Variants in DNAJC5B observed in about 807,000 individuals in gnomAD.
The protein encoded by DNAJC5B is dnaJ homolog subfamily C member 5B.
Under a neutral mutation model 24.7 loss-of-function variants are expected in DNAJC5B, and 23 were observed. The observed-to-expected ratio is 0.93, with a 90% CI of 0.67 to 1.32. DNAJC5B has a LOEUF of 1.32. Ranked by LOEUF, DNAJC5B falls within the 40% of genes most tolerant of loss-of-function variation. DNAJC5B has a pLI of 0.00. For synonymous variants in DNAJC5B, 101 were observed against 90.1 expected, an observed-to-expected ratio of 1.12 and a Z score of -0.68; for missense variants, 238 against 240.8, an observed-to-expected ratio of 0.99 and a Z score of 0.08.
At chr8:66,019,211 T>A (rs1209554153), upstream of DNAJC5B, among the ~76,000 whole-genome samples, 1 of 152,242 alleles carries the variant, frequency 6.6e-6, no homozygotes, top group African/African-American at 2.4e-5. Context: ...AGAGGTTTGA[T>A]CCCTGCATAT....
chr8:66,085,795 T>C (rs1487027468), intron 5 of DNAJC5B, among the ~76,000 whole-genome samples: 1 of 152,124 alleles, frequency 6.6e-6, no homozygotes, highest in East Asian at 1.9e-4. Flanking sequence ...TGCTTTTCCA[T>C]ATAAATTTTA....
chr8:66,030,739 C>T (rs1586063241), intron 1 of DNAJC5B, among the ~76,000 whole-genome samples: 1 of 152,116 alleles, frequency 6.6e-6, no homozygotes, highest in South Asian at 2.1e-4. Flanking sequence ...CAGGTTCTAG[C>T]GTTTCTTGTG....
intron 1 of DNAJC5B, among the ~76,000 whole-genome samples, chr8:66,029,067 C>A (rs1806306592): frequency 6.6e-6 from 1 of 152,224 alleles, no homozygotes; most frequent in South Asian, 2.1e-4. Context: ...CATGCAATTT[C>A]TTCAGCTTTT....
At chr8:66,049,924 A>G (rs1182044777) in intron 2 of DNAJC5B, among the ~76,000 whole-genome samples, 1 of 152,228 alleles carries the variant, frequency 6.6e-6, no homozygotes, top group Non-Finnish European at 1.5e-5. Flanking sequence ...TAGATGATGA[A>G]GAGGAAATAC....
At chr8:66,047,095 T>C (rs956163669) in intron 2 of DNAJC5B, among the ~76,000 whole-genome samples, 22 of 152,364 alleles carry the variant, frequency 1.4e-4, no homozygotes, top group Non-Finnish European at 2.6e-4. Context: ...CAGTGCATTC[T>C]CTTCCTTGAG....
At chr8:66,045,099 T>C (rs1311827119) in intron 2 of DNAJC5B, among the ~76,000 whole-genome samples, 2 of 152,224 alleles carry the variant, frequency 1.3e-5, no homozygotes, top group Non-Finnish European at 2.9e-5. Context: ...ATCTGGTTTC[T>C]AGCTTAACAA....
At chr8:66,080,605 C>G in intron 5 of DNAJC5B, 57 bp downstream of exon 5, 5 of 1,449,538 alleles carry the variant, frequency 3.4e-6, no homozygotes, top group Non-Finnish European at 4.6e-6. Context: ...TGAGCAAGCA[C>G]CAGGTCCCAC....
intron 3 of DNAJC5B, among the ~76,000 whole-genome samples, chr8:66,068,204 A>G (rs775863953): frequency 6.6e-6 from 1 of 152,246 alleles, no homozygotes; most frequent in Non-Finnish European, 1.5e-5. Flanking sequence ...GACAATATGA[A>G]CAAGATTTAG....
intron 3 of DNAJC5B, among the ~76,000 whole-genome samples, chr8:66,059,000 C>A (rs10099780): frequency 0.041 from 6,189 of 152,170 alleles, 429 homozygotes; most frequent in African/African-American, 0.14. Flanking sequence ...ATTATCCTGC[C>A]CTTTGGTGCT....
chr8:66,050,003 A>C (rs961176255), intron 2 of DNAJC5B, among the ~76,000 whole-genome samples: 1 of 152,232 alleles, frequency 6.6e-6, no homozygotes, highest in Non-Finnish European at 1.5e-5. Context: ...AAAATCGATA[A>C]AGCAGACATA....
intron 3 of DNAJC5B, among the ~76,000 whole-genome samples, chr8:66,055,831 G>A (rs902491208): frequency 3.9e-5 from 6 of 152,098 alleles, no homozygotes; most frequent in Non-Finnish European, 7.4e-5. Flanking sequence ...AATCCCAGCT[G>A]CTCGGGAGGC....
chr8:66,059,191 C>A (rs1004781113), intron 3 of DNAJC5B, among the ~76,000 whole-genome samples: 16 of 152,328 alleles, frequency 1.1e-4, no homozygotes, highest in Admixed American at 2.0e-4. Context: ...CTCATTTAAT[C>A]CAATTTTATC....
chr8:66,055,667 G>A (rs557440692), intron 3 of DNAJC5B, among the ~76,000 whole-genome samples: 19 of 152,242 alleles, frequency 1.2e-4, no homozygotes, highest in Middle Eastern at 3.4e-3. Flanking sequence ...GACCAGGCAC[G>A]GTGGCTCACA....
At chr8:66,039,955 C>A (rs1806571764) in intron 1 of DNAJC5B, among the ~76,000 whole-genome samples, 1 of 152,136 alleles carries the variant, frequency 6.6e-6, no homozygotes, top group Non-Finnish European at 1.5e-5. Context: ...AAACTTCAAC[C>A]CTAGAAAATA....
At chr8:66,041,451 T>G (rs1806606024) in intron 1 of DNAJC5B, among the ~76,000 whole-genome samples, 1 of 152,140 alleles carries the variant, frequency 6.6e-6, no homozygotes, top group Non-Finnish European at 1.5e-5. Flanking sequence ...TATGTGGCAA[T>G]TGAAAGAGGT....
chr8:66,015,616 T>G, the DNAJC5B span, among the ~76,000 whole-genome samples: 1 of 151,956 alleles, frequency 6.6e-6, no homozygotes, highest in Admixed American at 6.6e-5. Flanking sequence ...AAGGGAATAA[T>G]TGAAGGAGCA....
chr8:66,075,526 T>G (rs967138483), intron 3 of DNAJC5B, among the ~76,000 whole-genome samples: 5 of 152,136 alleles, frequency 3.3e-5, no homozygotes, highest in African/African-American at 1.2e-4. Flanking sequence ...ATTCTGCATG[T>G]AAAAAAACAT....
At chr8:66,070,213 A>C (rs1397296076) in intron 3 of DNAJC5B, among the ~76,000 whole-genome samples, 1 of 152,228 alleles carries the variant, frequency 6.6e-6, no homozygotes. Flanking sequence ...TGGCCAGGGC[A>C]ATCAGGCAAG....
chr8:66,052,960 G>A (rs1806883983), intron 3 of DNAJC5B, among the ~76,000 whole-genome samples: 1 of 152,092 alleles, frequency 6.6e-6, no homozygotes, highest in East Asian at 1.9e-4. Flanking sequence ...CTGTCACCCA[G>A]GCTGGAGTGC....
Sources: allele counts gnomAD v4.1 joint callset (sites outside exome capture counted in the v4.1 genomes callset), GRCh38; gene constraint gnomAD v4.1.1; transcripts MANE v1.5; gene names NCBI Gene and HGNC (gene_info 2026-07-23, HGNC 2026-07-21).